CUBN: variants seen among roughly 807,000 people sequenced by gnomAD.
CUBN encodes the protein 460 kDa receptor.
CUBN carries 282 observed loss-of-function variants against 405.3 expected under a neutral mutation model. The observed-to-expected ratio is 0.70, with a 90% CI of 0.63 to 0.77. The LOEUF is 0.77. Among genes scored for constraint, CUBN ranks in the 30% least tolerant of loss-of-function variants. The pLI is 0.00. For missense variants in CUBN, 4,514 were observed against 4,475.2 expected (o/e 1.01, Z -0.25); for synonymous variants, 1,684 against 1,617.0 (o/e 1.04, Z -0.99).
intron 10 of CUBN, among the ~76,000 whole-genome samples, chr10:17,106,023 G>A (rs1190504787): frequency 2.0e-5 from 3 of 152,198 alleles, no homozygotes; most frequent in Non-Finnish European, 4.4e-5. Flanking sequence ...AGTGGCTCAC[G>A]CCTGTAATCC....
intron 9 of CUBN, among the ~76,000 whole-genome samples, chr10:17,110,474 A>C (rs755511417): frequency 6.6e-6 from 1 of 152,206 alleles, no homozygotes; most frequent in Non-Finnish European, 1.5e-5. Flanking sequence ...TCCTGAATTC[A>C]CAAGATAAGC....
At chr10:16,998,668 G>C (rs992022616) in intron 28 of CUBN, among the ~76,000 whole-genome samples, 3 of 152,196 alleles carry the variant, frequency 2.0e-5, no homozygotes, top group African/African-American at 7.2e-5. Context: ...TATTTGTGTG[G>C]TATTCAAGGA....
intron 19 of CUBN, among the ~76,000 whole-genome samples, chr10:17,069,590 C>T (rs1835691120): frequency 6.6e-6 from 1 of 152,176 alleles, no homozygotes. Flanking sequence ...GTTACCCAGG[C>T]TAGGGTGCAA....
chr10:16,860,030 T>C (rs1273036781), intron 59 of CUBN, among the ~76,000 whole-genome samples: 3 of 152,102 alleles, frequency 2.0e-5, no homozygotes, highest in Admixed American at 6.5e-5. Context: ...ATCTCTAAGG[T>C]AACTACTGAA....
chr10:16,890,361 G>T lies in CUBN; in HGVS notation c.8755+10C>A. The T allele has an allele frequency of 1.2e-6, 2 of 1,612,410 alleles. No homozygotes were observed. The highest frequency in any genetic ancestry group is 4.3e-4 in the Middle Eastern group (2 of 4,704). ...AAAGACCTCTGGGTTTGGTTCTTAG[G>T]GCTACTTACGGCTAACAAAGGACGC... On this transcript the variant is annotated intron_variant, in intron 55 of 66. Coordinates refer to ENST00000377833, the MANE Select transcript of CUBN (RefSeq NM_001081.4).
rs769662282 is a variant in CUBN at position 16,948,538 on chromosome 10, C to T, written c.5149G>A (p.Val1717Ile). Residue 1717 changes from valine (V) to isoleucine (I), a missense_variant, in exon 35 of 67, where the codon GTC becomes ATC. Transcript: ENST00000377833. ...CCAGCACTGATGCTAGAATCAGAGA[C>T]GAATCTCAGCGTCAGGGCGCTGCTG... ...SFSSALTLRF[V>I]SDSSISAGGF... 69 of 1,613,936 alleles carry T rather than the reference C, an allele frequency of 4.3e-5. 1 individual carries two copies. In the South Asian group the frequency reaches 4.8e-4, roughly 11 times the overall value.
intron 14 of CUBN, among the ~76,000 whole-genome samples, chr10:17,096,511 G>A (rs1836378345): frequency 6.6e-6 from 1 of 151,926 alleles, no homozygotes; most frequent in Admixed American, 6.6e-5. Context: ...AATAAATAAA[G>A]CAAAAGTTTC....
intron 28 of CUBN, among the ~76,000 whole-genome samples, chr10:17,004,691 G>C (rs780893243): frequency 1.2e-4 from 7 of 60,580 alleles, no homozygotes; most frequent in Non-Finnish European, 1.8e-4. Context: ...TTTTTTTTTA[G>C]CAGAATCTCA....
chr10:16,887,139 T>C (rs1192495894), intron 56 of CUBN, among the ~76,000 whole-genome samples: 1 of 152,222 alleles, frequency 6.6e-6, no homozygotes, highest in Non-Finnish European at 1.5e-5. Context: ...CGAACACCTA[T>C]GTTGACTCAA....
intron 5 of CUBN, chr10:17,123,309 T>C (rs2131323721): frequency 1.9e-6 from 1 of 516,196 alleles, no homozygotes; most frequent in Non-Finnish European, 3.5e-6. Flanking sequence ...TACTTTCCAA[T>C]GCTGAACAAT....
chr10:16,905,351 A>T (rs1387248872), intron 50 of CUBN, among the ~76,000 whole-genome samples: 1 of 152,218 alleles, frequency 6.6e-6, no homozygotes, highest in African/African-American at 2.4e-5. Context: ...TCTTAAGAGA[A>T]TTATGGTTTA....
intron 14 of CUBN, 85 bp downstream of exon 14, chr10:17,099,920 T>C (rs2131295788): frequency 3.7e-6 from 3 of 804,796 alleles, no homozygotes; most frequent in East Asian, 4.9e-5. Flanking sequence ...CCAAAACATC[T>C]CATGTATCCA....
intron 32 of CUBN, among the ~76,000 whole-genome samples, chr10:16,952,620 G>C (rs1223185280): frequency 6.6e-6 from 1 of 152,148 alleles, no homozygotes; most frequent in Non-Finnish European, 1.5e-5. Flanking sequence ...GTGGCAAAAA[G>C]CAACAGATTA....
Position 17,100,108 on chromosome 10 carries a change from A to T in CUBN, c.1662T>A (p.Pro554=), listed in dbSNP as rs2131296039. The T allele has an allele frequency of 6.2e-7, 1 of 1,613,960 alleles. No individual in the cohort carries two copies. Among genetic ancestry groups the T allele is most frequent in the African/African-American group, 1.3e-5 (1 of 75,058 alleles). ...QLGRFCGSSL[P]HELLSSDNAL... ...CATTGTCACTGCTGAGGAGTTCATG[A>T]GGGAGGCTGGAGCCACAAAATCTTC... The change falls in exon 14 of 67, where the codon CCT becomes CCA. Residue 554 remains proline (P), a synonymous_variant. Transcript: ENST00000377833.
chr10:16,934,443 A>G (rs1842443910), intron 39 of CUBN, among the ~76,000 whole-genome samples: 1 of 152,170 alleles, frequency 6.6e-6, no homozygotes, highest in Non-Finnish European at 1.5e-5. Context: ...TGATTTCTTT[A>G]CCCTATTACT....
At chr10:16,867,054 T>C (rs1317185756) in intron 59 of CUBN, among the ~76,000 whole-genome samples, 1 of 152,214 alleles carries the variant, frequency 6.6e-6, no homozygotes, top group Non-Finnish European at 1.5e-5. Context: ...GTGTATAATC[T>C]AAATAGCAAA....
At chr10:16,830,265 G>C (rs918278657) in intron 65 of CUBN, among the ~76,000 whole-genome samples, 10 of 152,150 alleles carry the variant, frequency 6.6e-5, no homozygotes, top group African/African-American at 2.2e-4. Context: ...GATAAAATTT[G>C]AGCATTGGAG....
At chr10:16,956,226 T>C (rs1458332244) in intron 31 of CUBN, among the ~76,000 whole-genome samples, 2 of 152,130 alleles carry the variant, frequency 1.3e-5, no homozygotes, top group Non-Finnish European at 2.9e-5. Flanking sequence ...TTTAACTTTC[T>C]GAGGAGCTAA....
At chr10:16,944,813 TCCTCTGGAAGGAGAG>T (rs1842735469) in intron 36 of CUBN, among the ~76,000 whole-genome samples, 1 of 152,194 alleles carries the variant, frequency 6.6e-6, no homozygotes, top group Non-Finnish European at 1.5e-5. Flanking sequence ...TAATCTCCCA[TCCTCTGGAAGGAGAG>T]CCTAGTGCTG....
Sources: gnomAD v4.1 joint callset for allele counts (sites outside exome capture counted in the v4.1 genomes callset) on GRCh38, gnomAD v4.1.1 for gene constraint, MANE v1.5 for transcripts, NCBI Gene and HGNC (gene_info 2026-07-23, HGNC 2026-07-21) for gene names.